TRA2A: variants seen among roughly 807,000 people sequenced by gnomAD.
The protein encoded by TRA2A is transformer 2 alpha homolog, also known as transformer-2 protein homolog alpha.
In TRA2A, 31 loss-of-function variants were observed where a neutral mutation model predicts 45.7. The observed-to-expected ratio is 0.68, with a 90% CI of 0.51 to 0.92. The LOEUF (loss-of-function observed/expected upper bound fraction) is 0.92, where lower values mean the gene tolerates loss of function less well. Among genes scored for constraint, TRA2A ranks in the 40% least tolerant of loss-of-function variants. The pLI, the probability that TRA2A is intolerant of heterozygous loss-of-function variation, is 0.00. For missense variants in TRA2A, 304 were observed against 367.5 expected (o/e 0.83, Z 1.41); for synonymous variants, 132 against 126.2 (o/e 1.05, Z -0.31).
rs561520924 is a variant in TRA2A at position 23,516,439 on chromosome 7, T to C, written c.260A>G (p.Tyr87Cys). ...CCTTCGCCGCCGGTATTCTGGTGTA[T>C]ATGATCTACTTCGAGATCGTCTCCT... ...SHRRRSRSRSYTPEYRRRRSR... is the reference protein window; with the variant it reads ...SHRRRSRSRSCTPEYRRRRSR... Residue 87 changes from tyrosine to cysteine, a missense_variant, in exon 3 of 8, where the codon TAT (tyrosine) becomes TGT (cysteine). Tyr to Cys is a radical substitution (Grantham distance 194). Transcript: ENST00000297071. 9.5e-5 allele frequency: 153 copies of C among 1,614,248 alleles called. No individual in the cohort carries two copies. The highest frequency in any genetic ancestry group is 7.8e-4 in the Admixed American group (47 of 60,028).
intron 2 of TRA2A, among the ~76,000 whole-genome samples, chr7:23,520,038 C>T (rs918728507): frequency 2.0e-5 from 3 of 152,160 alleles, no homozygotes; most frequent in Non-Finnish European, 4.4e-5. Context: ...ACCAGCCTGG[C>T]CAACATGGTG....
At chr7:23,510,809 GA>G (rs1482603271) in intron 4 of TRA2A, among the ~76,000 whole-genome samples, 1 of 151,364 alleles carries the variant, frequency 6.6e-6, no homozygotes, top group African/African-American at 2.4e-5. Flanking sequence ...TCTTAATTGA[GA>G]AAAGGAATAT....
Position 23,505,519 on chromosome 7 carries a change from AAGAG to A in TRA2A, c.*36_*39del. The stretch of plus-strand genomic sequence containing the variant: ...CAGAATTAAAAAAAAAAAAAAAAAA[AAGAG>A]GAAAAAAAATGTCCTTAATTGCAAC... On this transcript the variant is annotated 3_prime_UTR_variant, in exon 8 of 8. Coordinates refer to ENST00000297071, the MANE Select transcript of TRA2A (RefSeq NM_013293.5). 3.8e-6 allele frequency: 2 copies of A among 528,588 alleles called. No individual in the cohort carries two copies. The highest frequency in any genetic ancestry group is 3.7e-5 in the Admixed American group (1 of 27,166). 32.7% of individuals were successfully genotyped at this position (528,588 alleles called of 1,614,324 possible).
In TRA2A at chr7:23,505,585, C is replaced by CAAAAAAAAAAAAAAAAA. The variant is rs5882904; in HGVS notation, c.839-33_839-17dup. ...CAATAGCGTCCTAAAAGAGAAAAAGCAAAAAAAAAAAAAAAAAAAAAAAGT... is the reference window on the plus strand; with the variant it reads ...CAATAGCGTCCTAAAAGAGAAAAAGCAAAAAAAAAAAAAAAAAAAAAAAAAAAAAAAAAAAAAAAAGT... On this transcript the variant is annotated splice_polypyrimidine_tract_variant and intron_variant, in intron 7 of 7. Transcript: ENST00000297071. 466 of 244,528 alleles carry CAAAAAAAAAAAAAAAAA rather than the reference C, an allele frequency of 1.9e-3. 3 individuals carry two copies. The highest frequency in any genetic ancestry group is 4.5e-3 in the South Asian group (44 of 9,800). The allele number at this position is 244,528 out of a possible 1,614,324, so 15.1% of individuals were successfully genotyped here.
intron 1 of TRA2A, among the ~76,000 whole-genome samples, chr7:23,530,913 T>C (rs933356605): frequency 1.3e-5 from 2 of 152,002 alleles, no homozygotes; most frequent in Admixed American, 1.3e-4. Context: ...AGACAGATTT[T>C]TTTTTTTTTA....
intron 5 of TRA2A, 189 bp downstream of exon 5, chr7:23,507,231 C>T: frequency 1.8e-6 from 1 of 548,984 alleles, no homozygotes; most frequent in Non-Finnish European, 3.2e-6. Flanking sequence ...TCCCGAGCAG[C>T]TGGGATTACA....
intron 4 of TRA2A, among the ~76,000 whole-genome samples, chr7:23,511,370 C>CAAAAAAAAAAAAAAAAAAAAA (rs567187750): frequency 1.0e-4 from 4 of 40,116 alleles, no homozygotes; most frequent in South Asian, 1.4e-3. Context: ...GACTCCATCT[C>CAAAAAAAAAAAAAAAAAAAAA]AAAAAAAAAA....
intron 2 of TRA2A, among the ~76,000 whole-genome samples, chr7:23,520,282 C>A (rs1473660881): frequency 6.6e-6 from 1 of 151,906 alleles, no homozygotes; most frequent in Non-Finnish European, 1.5e-5. Context: ...CAGACAGTGA[C>A]AACATAAAAA....
chr7:23,521,975 T>C, intron 1 of TRA2A, 135 bp from the exon 2 acceptor site: 2 of 1,436,570 alleles, frequency 1.4e-6, no homozygotes, highest in Non-Finnish European at 1.8e-6. Flanking sequence ...AGAAAAAATT[T>C]CAGCTCAATA....
intron 2 of TRA2A, among the ~76,000 whole-genome samples, chr7:23,517,504 A>AAAG (rs1789937777): frequency 3.1e-5 from 4 of 127,854 alleles, no homozygotes; most frequent in Admixed American, 1.7e-4. Context: ...AAAAAAAAAA[A>AAAG]GAGAGAAAGA....
intron 4 of TRA2A, 113 bp from the exon 5 acceptor site, chr7:23,507,648 T>C (rs1789405211): frequency 2.6e-6 from 2 of 754,738 alleles, no homozygotes; most frequent in Admixed American, 2.0e-5. Context: ...ATTTTGAAAA[T>C]GACAGCAATG....
Position 23,505,487 on chromosome 7 carries a change from G to T in TRA2A, c.*72C>A, listed in dbSNP as rs1481288217. ...GAGTAGGAAGAATCCACAGCTTGGGGAAATCTCAGAATTAAAAAAAAAAAA... is the reference window on the plus strand; with the variant it reads ...GAGTAGGAAGAATCCACAGCTTGGGTAAATCTCAGAATTAAAAAAAAAAAA... On this transcript the variant is annotated 3_prime_UTR_variant, in exon 8 of 8. Transcript: ENST00000297071. 4.6e-6 allele frequency: 2 copies of T among 434,552 alleles called. No homozygotes were observed. Among genetic ancestry groups the T allele is most frequent in the Non-Finnish European group, 8.3e-6 (2 of 242,252 alleles). 26.9% of individuals were successfully genotyped at this position (434,552 alleles called of 1,614,324 possible).
chr7:23,508,081 T>C (rs1459667672), intron 4 of TRA2A, among the ~76,000 whole-genome samples: 1 of 152,096 alleles, frequency 6.6e-6, no homozygotes, highest in Non-Finnish European at 1.5e-5. Context: ...GTTTGCAGTC[T>C]AGTACACTGA....
intron 5 of TRA2A, 105 bp downstream of exon 5, chr7:23,507,315 G>A (rs879941461): frequency 1.0e-5 from 9 of 879,748 alleles, no homozygotes; most frequent in Non-Finnish European, 1.5e-5. Flanking sequence ...GTTGCCCCTT[G>A]CCAGAATCAA....
At chr7:23,506,822 C>A (rs765142579) in intron 5 of TRA2A, among the ~76,000 whole-genome samples, 1 of 152,184 alleles carries the variant, frequency 6.6e-6, no homozygotes, top group Admixed American at 6.6e-5. Flanking sequence ...GTCGCCCAGG[C>A]TGGAGTGCAG....
At chr7:23,521,489 G>A (rs936638385) in intron 2 of TRA2A, among the ~76,000 whole-genome samples, 3 of 152,206 alleles carry the variant, frequency 2.0e-5, no homozygotes, top group Non-Finnish European at 2.9e-5. Flanking sequence ...CACCCAGGCT[G>A]TGGTGCAGTG....
At chr7:23,526,653 A>G (rs1305521437) in intron 1 of TRA2A, among the ~76,000 whole-genome samples, 2 of 152,180 alleles carry the variant, frequency 1.3e-5, no homozygotes, top group African/African-American at 4.8e-5. Context: ...ACAGACCCCT[A>G]TGAAGTTAAA....
intron 2 of TRA2A, among the ~76,000 whole-genome samples, chr7:23,517,808 A>C (rs1461214766): frequency 1.3e-5 from 2 of 151,762 alleles, no homozygotes; most frequent in Non-Finnish European, 2.9e-5. Context: ...GCTACTTGGG[A>C]GGCTGAGGCA....
chr7:23,514,321 G>A (rs781088245), intron 3 of TRA2A, among the ~76,000 whole-genome samples: 5 of 151,976 alleles, frequency 3.3e-5, no homozygotes, highest in Admixed American at 6.6e-5. Context: ...ACCCCACCCG[G>A]CCTAGCAGAT....
Sources: allele counts gnomAD v4.1 joint callset (sites outside exome capture counted in the v4.1 genomes callset), GRCh38; gene constraint gnomAD v4.1.1; transcripts MANE v1.5; gene names NCBI Gene and HGNC (gene_info 2026-07-23, HGNC 2026-07-21).